GRIK4: variants seen among roughly 807,000 people sequenced by gnomAD.
GRIK4 encodes the protein glutamate ionotropic receptor kainate type subunit 4, also known as glutamate receptor ionotropic, kainate 4.
A neutral mutation model predicts 104.9 loss-of-function variants in GRIK4; 40 were observed. The ratio of observed to expected loss-of-function variants is 0.38; its 90% CI spans 0.30 to 0.50. The LOEUF (loss-of-function observed/expected upper bound fraction) is 0.50, where lower values mean the gene tolerates loss of function less well. Among genes scored for constraint, GRIK4 ranks in the 20% least tolerant of loss-of-function variants. The pLI is 0.93. For synonymous variants in GRIK4, 485 were observed against 524.9 expected, an observed-to-expected ratio of 0.92 and a Z score of 1.04; for missense variants, 1,047 against 1,308.1, an observed-to-expected ratio of 0.80 and a Z score of 3.08.
At chr11:120,770,999 A>G (rs1951930660) in intron 3 of GRIK4, among the ~76,000 whole-genome samples, 1 of 152,218 alleles carries the variant, frequency 6.6e-6, no homozygotes, top group African/African-American at 2.4e-5. Flanking sequence ...ACTGTAACAG[A>G]AAATTGGTAC....
At chr11:120,927,643 C>T (rs1943382805) in intron 13 of GRIK4, among the ~76,000 whole-genome samples, 1 of 143,774 alleles carries the variant, frequency 7.0e-6, no homozygotes, top group Admixed American at 6.8e-5. Flanking sequence ...TAAGTTCAAA[C>T]AGAAATGTAA....
chr11:120,972,520 T>TG (rs1944491811), intron 19 of GRIK4, among the ~76,000 whole-genome samples: 1 of 151,092 alleles, frequency 6.6e-6, no homozygotes, highest in African/African-American at 2.4e-5. Context: ...GAAGTTAGAG[T>TG]GAAAAAAAAG....
intron 1 of GRIK4, among the ~76,000 whole-genome samples, chr11:120,521,281 C>G (rs956960024): frequency 6.6e-6 from 1 of 152,138 alleles, no homozygotes; most frequent in South Asian, 2.1e-4. Context: ...CTGTGTTATC[C>G]AGACTGGACT....
chr11:120,744,214 GTGTC>G (rs1392275865), intron 3 of GRIK4, among the ~76,000 whole-genome samples: 1 of 152,164 alleles, frequency 6.6e-6, no homozygotes, highest in Non-Finnish European at 1.5e-5. Flanking sequence ...AGGCTGTTGG[GTGTC>G]TGTTAAAGCT....
At chr11:120,924,241 G>A (rs929284301) in intron 13 of GRIK4, among the ~76,000 whole-genome samples, 1 of 152,162 alleles carries the variant, frequency 6.6e-6, no homozygotes, top group East Asian at 1.9e-4. Flanking sequence ...AAAGAGAGGT[G>A]CACAGGAGGT....
intron 3 of GRIK4, among the ~76,000 whole-genome samples, chr11:120,747,404 A>C (rs1011799966): frequency 1.3e-5 from 2 of 152,186 alleles, no homozygotes; most frequent in Admixed American, 1.3e-4. Context: ...CTCCCCCGCT[A>C]GGGTGTGTGA....
intron 3 of GRIK4, among the ~76,000 whole-genome samples, chr11:120,781,101 G>T (rs914836401): frequency 2.0e-5 from 3 of 150,422 alleles, no homozygotes; most frequent in African/African-American, 7.3e-5. Context: ...AAGCACAAGG[G>T]TTCCAATTTC....
At chr11:120,590,594 A>G (rs189129054) in intron 1 of GRIK4, among the ~76,000 whole-genome samples, 1 of 152,320 alleles carries the variant, frequency 6.6e-6, no homozygotes, top group African/African-American at 2.4e-5. Flanking sequence ...TGTAGAGTGA[A>G]TAAATGGATG....
In GRIK4 at chr11:120,582,384, T is replaced by A. The variant is rs191635793; in HGVS notation, c.-159+70497T>A. 2.0e-3 allele frequency among the ~76,000 whole-genome samples: 300 copies of A among 151,896 alleles called. 1 individual carries two copies. Among genetic ancestry groups the A allele is most frequent in the African/African-American group, 6.9e-3 (287 of 41,378 alleles). The stretch of plus-strand genomic sequence containing the variant: ...ATAGGTAAATTGCATGTCATGGGGG[T>A]TTGGTGGTCAGACTATTTCATCGCC... On this transcript the variant is annotated intron_variant, in intron 1 of 20. Transcript: ENST00000527524.
chr11:120,534,124 A>G (rs1196157199), intron 1 of GRIK4, among the ~76,000 whole-genome samples: 1 of 152,078 alleles, frequency 6.6e-6, no homozygotes, highest in African/African-American at 2.4e-5. Flanking sequence ...GCCCAGAAGC[A>G]CAAAGGAGGT....
intron 1 of GRIK4, among the ~76,000 whole-genome samples, chr11:120,614,737 C>T (rs1186514230): frequency 1.3e-5 from 2 of 152,168 alleles, no homozygotes; most frequent in African/African-American, 4.8e-5. Flanking sequence ...CGGTGGCTCA[C>T]GTCTGTAATC....
intron 3 of GRIK4, among the ~76,000 whole-genome samples, chr11:120,760,432 T>C (rs1020464290): frequency 1.8e-5 from 2 of 112,866 alleles, no homozygotes; most frequent in Admixed American, 1.7e-4. Flanking sequence ...AACATATATA[T>C]ACATATATAT....
chr11:120,567,241 C>A (rs1313227809), intron 1 of GRIK4, among the ~76,000 whole-genome samples: 1 of 152,020 alleles, frequency 6.6e-6, no homozygotes, highest in Non-Finnish European at 1.5e-5. Flanking sequence ...CTCACTGCAG[C>A]CTTGACCTTA....
chr11:120,741,193 G>A (rs1255518688), intron 3 of GRIK4, among the ~76,000 whole-genome samples: 1 of 151,640 alleles, frequency 6.6e-6, no homozygotes, highest in African/African-American at 2.4e-5. Flanking sequence ...TACAATTGAG[G>A]AATTAGAGAC....
At chr11:120,760,667 C>T (rs1347736250) in intron 3 of GRIK4, among the ~76,000 whole-genome samples, 1 of 152,068 alleles carries the variant, frequency 6.6e-6, no homozygotes, top group Non-Finnish European at 1.5e-5. Context: ...CATTGTTCAA[C>T]TCCCACTTAT....
chr11:120,540,048 A>G (rs1948016682), intron 1 of GRIK4, among the ~76,000 whole-genome samples: 1 of 152,128 alleles, frequency 6.6e-6, no homozygotes, highest in Non-Finnish European at 1.5e-5. Flanking sequence ...TTTATTGAGC[A>G]TGTATATAAA....
chr11:120,778,478 A>G (rs966489481), intron 3 of GRIK4, among the ~76,000 whole-genome samples: 8 of 152,264 alleles, frequency 5.3e-5, no homozygotes, highest in Non-Finnish European at 1.0e-4. Flanking sequence ...TGATGTGGTT[A>G]TTAGGCTGCA....
At chr11:120,639,458 C>T (rs1442536990) in intron 1 of GRIK4, among the ~76,000 whole-genome samples, 1 of 152,182 alleles carries the variant, frequency 6.6e-6, no homozygotes, top group Non-Finnish European at 1.5e-5. Context: ...CCCTTGCTCC[C>T]TGCCTTTTCC....
Position 120,985,640 on chromosome 11 carries a change from AAAG to A in GRIK4, c.2515-263_2515-261del, listed in dbSNP as rs199669995. On this transcript the variant is annotated intron_variant, in intron 20 of 20. Transcript: ENST00000527524. ...AATGGAAATGTGCAAAAAAAAAAAA[AAAG>A]TGAGATCATTGTCTTTGAAGGTGTT... Among the ~76,000 whole-genome samples the A allele has an allele frequency of 1.5e-3, 220 of 147,266 alleles. 1 individual carries two copies. The highest frequency in any genetic ancestry group is 4.3e-3 in the African/African-American group (170 of 39,678).
Sources: gnomAD v4.1 joint callset for allele counts (sites outside exome capture counted in the v4.1 genomes callset) on GRCh38, gnomAD v4.1.1 for gene constraint, MANE v1.5 for transcripts, NCBI Gene and HGNC (gene_info 2026-07-23, HGNC 2026-07-21) for gene names.